The following ADGRV1 variants were observed in gnomAD, a reference collection of about 807,000 sequenced individuals.
ADGRV1 encodes G-protein coupled receptor 98.
A neutral mutation model predicts 596.2 loss-of-function variants in ADGRV1; 359 were observed. The ratio of observed to expected loss-of-function variants is 0.60; its 90% CI spans 0.55 to 0.66. ADGRV1 has a LOEUF of 0.66. ADGRV1 is among the 30% of genes least tolerant of loss of function. The pLI is 0.00. For missense variants in ADGRV1, 7,274 were observed against 7,575.6 expected (o/e 0.96, Z 1.48); for synonymous variants, 2,681 against 2,679.2 (o/e 1.00, Z -0.02).
rs1451811781 is a variant in ADGRV1, at chr5:90,647,701, G to A, written c.3226G>A (p.Val1076Ile). ...GSRQQSISIFVNEDGIPETDE... is the reference protein window; with the variant it reads ...GSRQQSISIFINEDGIPETDE... ...TAGACAGCAGAGCATATCCATATTT[G>A]TTAATGAAGATGGTATCCCGGAAAC... The change falls in exon 17 of 90, where the codon GTT becomes ATT. Residue 1076 changes from valine to isoleucine, a missense_variant. By Grantham distance (29) the Val-to-Ile change is conservative. This residue lies in a region of ADGRV1 where 1,715 missense variants were observed against 1,708.8 expected (regional missense o/e 1.00). Transcript: ENST00000405460. 1 of 1,613,558 alleles carries A rather than the reference G, an allele frequency of 6.2e-7. No homozygotes were observed. Among genetic ancestry groups the A allele is most frequent in the East Asian group, 2.2e-5 (1 of 44,864 alleles).
intron 74 of ADGRV1, 151 bp from the exon 75 acceptor site, chr5:90,815,468 T>TTTA: frequency 2.0e-6 from 1 of 495,160 alleles, no homozygotes; most frequent in South Asian, 3.8e-5. Context: ...GTTTAGTTTA[T>TTTA]TTTTAATAAA....
chr5:91,028,538 C>T (rs559467145), intron 85 of ADGRV1, among the ~76,000 whole-genome samples: 2 of 152,114 alleles, frequency 1.3e-5, no homozygotes, highest in Admixed American at 6.6e-5. Context: ...TCAGTAATGA[C>T]GCCCATTTAC....
Position 90,720,109 on chromosome 5 carries a change from C to A in ADGRV1, c.9509C>A (p.Thr3170Asn), listed in dbSNP as rs745561856. 1.2e-6 allele frequency: 2 copies of A among 1,613,722 alleles called. No homozygotes were observed. The highest frequency in any genetic ancestry group is 1.7e-6 in the Non-Finnish European group (2 of 1,179,694). Reference protein sequence around the residue: ...EPEMDEYFVCTLFNPTGGARL... With the variant: ...EPEMDEYFVCNLFNPTGGARL... ...GAAATGGATGAGTATTTTGTTTGCA[C>A]CTTGTTTAATCCAACTGGAGGTGCT... Residue 3170 changes from threonine (T) to asparagine (N), a missense_variant, in exon 44 of 90, where the codon ACC becomes AAC. Thr to Asn is a moderately conservative substitution (Grantham distance 65). Around this residue, in one of 5 missense-constraint regions of ADGRV1, gnomAD observed 3,643 missense variants for 3,809.2 expected, o/e 0.96. Coordinates refer to ENST00000405460, the MANE Select transcript of ADGRV1 (RefSeq NM_032119.4).
intron 83 of ADGRV1, among the ~76,000 whole-genome samples, chr5:90,920,127 C>T (rs917170171): frequency 6.6e-6 from 1 of 152,058 alleles, no homozygotes; most frequent in Non-Finnish European, 1.5e-5. Context: ...TTATTTCTCA[C>T]AGCTCTGGAG....
At chr5:91,082,074 A>G (rs533782137) in intron 86 of ADGRV1, among the ~76,000 whole-genome samples, 92 of 152,324 alleles carry the variant, frequency 6.0e-4, no homozygotes, top group Admixed American at 1.6e-3. Flanking sequence ...CTAATGTGAT[A>G]CACACTTAAA....
intron 21 of ADGRV1, among the ~76,000 whole-genome samples, chr5:90,668,105 AG>A (rs1200399929): frequency 1.3e-5 from 2 of 151,934 alleles, no homozygotes; most frequent in Non-Finnish European, 2.9e-5. Flanking sequence ...CTACAGAGGC[AG>A]GCAGGCCTCC....
intron 85 of ADGRV1, among the ~76,000 whole-genome samples, chr5:90,993,226 C>A (rs1032561034): frequency 8.2e-5 from 12 of 145,674 alleles, no homozygotes; most frequent in Non-Finnish European, 4.5e-5. Flanking sequence ...TGGCGTGATC[C>A]TGGTTCACTG....
chr5:90,838,892 A>T (rs1765195028), intron 77 of ADGRV1, among the ~76,000 whole-genome samples: 1 of 152,180 alleles, frequency 6.6e-6, no homozygotes, highest in South Asian at 2.1e-4. Context: ...CAAACAAAAA[A>T]GTCCTATTGA....
At chr5:90,873,500 C>A (rs1768907597) in intron 83 of ADGRV1, among the ~76,000 whole-genome samples, 1 of 152,102 alleles carries the variant, frequency 6.6e-6, no homozygotes, top group African/African-American at 2.4e-5. Context: ...CACCTCTAAG[C>A]CCCAACCCCC....
chr5:91,056,743 T>C (rs1786905367), intron 85 of ADGRV1, among the ~76,000 whole-genome samples: 1 of 152,294 alleles, frequency 6.6e-6, no homozygotes, highest in South Asian at 2.1e-4. Context: ...TGTCGTCTCC[T>C]TTGCAAAACT....
chr5:90,928,153 T>C (rs972692890), intron 83 of ADGRV1, among the ~76,000 whole-genome samples: 2 of 152,148 alleles, frequency 1.3e-5, no homozygotes, highest in African/African-American at 4.8e-5. Flanking sequence ...GCATTCTCTG[T>C]ATTTCCTGAA....
At chr5:90,833,150 A>C (rs1764659926) in intron 77 of ADGRV1, among the ~76,000 whole-genome samples, 1 of 152,192 alleles carries the variant, frequency 6.6e-6, no homozygotes, top group Non-Finnish European at 1.5e-5. Context: ...TGGCATTTTG[A>C]TAAGGATTGT....
intron 87 of ADGRV1, among the ~76,000 whole-genome samples, chr5:91,107,655 A>G (rs1352444715): frequency 6.6e-6 from 1 of 152,202 alleles, no homozygotes; most frequent in Non-Finnish European, 1.5e-5. Flanking sequence ...CAGTTTCTAG[A>G]CAGAACAGAA....
At chr5:90,969,799 A>G (rs1295169898) in intron 84 of ADGRV1, among the ~76,000 whole-genome samples, 1 of 152,220 alleles carries the variant, frequency 6.6e-6, no homozygotes, top group Non-Finnish European at 1.5e-5. Flanking sequence ...TAGCGTGAGC[A>G]ACACAGAAGA....
intron 1 of ADGRV1, among the ~76,000 whole-genome samples, chr5:90,611,115 C>A (rs561846538): frequency 6.6e-6 from 1 of 151,730 alleles, no homozygotes; most frequent in African/African-American, 2.4e-5. Context: ...TTGATGAGCA[C>A]AGGGCGTTGC....
intron 66 of ADGRV1, 74 bp downstream of exon 66, chr5:90,783,399 A>G: frequency 9.9e-7 from 1 of 1,013,662 alleles, no homozygotes; most frequent in Non-Finnish European, 1.5e-6. Context: ...TATGTTTTGC[A>G]CTGACAATAG....
At chr5:90,868,772 C>T (rs1006717068) in intron 83 of ADGRV1, among the ~76,000 whole-genome samples, 10 of 151,170 alleles carry the variant, frequency 6.6e-5, no homozygotes, top group African/African-American at 2.2e-4. Context: ...AGACATTCTG[C>T]ACACAGATAT....
intron 59 of ADGRV1, among the ~76,000 whole-genome samples, chr5:90,765,429 C>CCACACACA (rs531033246): frequency 5.7e-4 from 78 of 136,354 alleles, no homozygotes; most frequent in African/African-American, 1.0e-3. Flanking sequence ...AAATCACAGA[C>CCACACACA]CACACACACA....
intron 60 of ADGRV1, 116 bp downstream of exon 60, chr5:90,774,419 A>G: frequency 1.6e-6 from 1 of 625,344 alleles, no homozygotes; most frequent in Non-Finnish European, 2.8e-6. Context: ...CCTAAAACAT[A>G]AAGATACCAT....
Sources: gnomAD v4.1 joint callset for allele counts (sites outside exome capture counted in the v4.1 genomes callset) on GRCh38, gnomAD v4.1.1 for gene constraint, gnomAD v4.1.1 regional missense constraint, MANE v1.5 for transcripts, NCBI Gene and HGNC (gene_info 2026-07-23, HGNC 2026-07-21) for gene names.